The following LRRC56 variants were observed in gnomAD, a reference collection of about 807,000 sequenced individuals.
The protein encoded by LRRC56 is leucine-rich repeat-containing protein 56.
A neutral mutation model predicts 47.8 loss-of-function variants in LRRC56; 41 were observed. The ratio of observed to expected loss-of-function variants is 0.86; its 90% CI spans 0.67 to 1.11. The LOEUF is 1.11. Ranked by LOEUF, LRRC56 falls within the 50% of genes most tolerant of loss-of-function variation. The pLI, the probability that LRRC56 is intolerant of heterozygous loss-of-function variation, is 0.00. For synonymous variants in LRRC56, 387 were observed against 311.2 expected, an observed-to-expected ratio of 1.24 and a Z score of -2.56; for missense variants, 759 against 704.2, an observed-to-expected ratio of 1.08 and a Z score of -0.88.
chr11:527,669 T>C, the LRRC56 span, among the ~76,000 whole-genome samples: 511 of 151,104 alleles, frequency 3.4e-3, 4 homozygotes, highest in African/African-American at 0.012. Context: ...GTAGCTGGGA[T>C]TACAGGCGCC....
chr11:533,294 G>C (rs762890763), upstream of LRRC56: 1 of 1,598,538 alleles, frequency 6.3e-7, no homozygotes, highest in African/African-American at 1.3e-5. Context: ...GGGGCCGCTG[G>C]GTCACATGGG....
rs762680448 is a variant in LRRC56, at chr11:541,488, A to C, written c.178-49A>C. The C allele has an allele frequency of 8.8e-7, 1 of 1,130,970 alleles. No homozygotes were observed. The highest frequency in any genetic ancestry group is 1.6e-5 in the South Asian group (1 of 60,610). 70.1% of individuals were successfully genotyped at this position (1,130,970 alleles called of 1,614,324 possible). ...TGTAGCCAGAAGCAAGGATGGAACT[A>C]AAGTGGGGAGAGCCAGGACCAGCGC... On this transcript the variant is annotated intron_variant, in intron 4 of 13. Coordinates refer to ENST00000270115, the MANE Select transcript of LRRC56 (RefSeq NM_198075.4). The surrounding 1 kb of genome is among the most constrained non-coding windows in gnomAD (Gnocchi z 4.1).
chr11:548,869 C>A (rs1178506694), intron 6 of LRRC56, among the ~76,000 whole-genome samples: 1 of 152,328 alleles, frequency 6.6e-6, no homozygotes, highest in Non-Finnish European at 1.5e-5. Flanking sequence ...AACTGAGAGT[C>A]TGACACCCAG....
intron 5 of LRRC56, among the ~76,000 whole-genome samples, chr11:542,428 T>C (rs534946348): frequency 1.3e-5 from 2 of 151,948 alleles, no homozygotes; most frequent in Admixed American, 6.6e-5. Context: ...TTGGGCAACA[T>C]AGCAAGACCC....
upstream of LRRC56, chr11:537,240 G>A (rs573636912): frequency 6.6e-6 from 1 of 152,344 alleles, no homozygotes; most frequent in Non-Finnish European, 1.5e-5. Flanking sequence ...CGTGCATCGC[G>A]ACGGCCCAGG....
chr11:518,247 T>C, the LRRC56 span, among the ~76,000 whole-genome samples: 7 of 152,128 alleles, frequency 4.6e-5, no homozygotes, highest in African/African-American at 1.7e-4. Flanking sequence ...CAGTGGCCCA[T>C]CTCAGCTCAC....
the LRRC56 span, among the ~76,000 whole-genome samples, chr11:516,005 A>G: frequency 4.6e-5 from 7 of 152,266 alleles, no homozygotes; most frequent in African/African-American, 1.7e-4. Context: ...TTGAGCATGT[A>G]TGTGAGGGTC....
At chr11:535,278 G>A (rs867624650), upstream of LRRC56, 170 of 111,104 alleles carry the variant, frequency 1.5e-3, 1 homozygote, top group African/African-American at 5.8e-3. Flanking sequence ...GGCCCCGCCC[G>A]GCCCCACCCA....
Position 541,396 on chromosome 11 carries a change from A to G in LRRC56, c.178-141A>G, listed in dbSNP as rs1851784463. 4.2e-6 allele frequency: 2 copies of G among 475,130 alleles called. No homozygotes were observed. Among genetic ancestry groups the G allele is most frequent in the Non-Finnish European group, 3.7e-6 (1 of 268,776 alleles). The allele number at this position is 475,130 out of a possible 1,614,324, so 29.4% of individuals were successfully genotyped here. ...CACATCCACTCCCATCCCACCACCC[A>G]GGCCAGGGCCAACATGGCCCAGGCA... On this transcript the variant is annotated intron_variant, in intron 4 of 13. Transcript: ENST00000270115. This position sits in a 1 kb window ranked among gnomAD's most constrained non-coding sequence, Gnocchi z 4.1.
Position 554,757 on chromosome 11 carries a change from G to C in LRRC56, c.*481G>C. The stretch of plus-strand genomic sequence containing the variant: ...GTGCGGTCCAGGCCTCCCGTCTCCG[G>C]GGGATCTGTAGGGTTCCCGCACTGC... On this transcript the variant is annotated 3_prime_UTR_variant, in exon 14 of 14. Coordinates refer to ENST00000270115, the MANE Select transcript of LRRC56 (RefSeq NM_198075.4). 2.0e-6 allele frequency: 1 copy of C among 491,050 alleles called. No individual in the cohort carries two copies. Among genetic ancestry groups the C allele is most frequent in the Non-Finnish European group, 3.6e-6 (1 of 277,974 alleles). The allele number at this position is 491,050 out of a possible 1,614,324, so 30.4% of individuals were successfully genotyped here. A position where few individuals can be genotyped will look rare whatever the true frequency, so the allele number is the denominator to read the frequency against.
upstream of LRRC56, among the ~76,000 whole-genome samples, chr11:536,599 GTC>G (rs1554886146): frequency 6.6e-6 from 1 of 152,046 alleles, no homozygotes; most frequent in Non-Finnish European, 1.5e-5. Flanking sequence ...ATGAAACCCT[GTC>G]TCTACTAAAA....
chr11:534,814 A>G (rs1851358221), upstream of LRRC56, among the ~76,000 whole-genome samples: 1 of 152,070 alleles, frequency 6.6e-6, no homozygotes, highest in African/African-American at 2.4e-5. Flanking sequence ...TCCGACAAGT[A>G]TTTGCTGAGC....
At chr11:532,742 G>T (rs1269551105), upstream of LRRC56, 1 of 1,612,828 alleles carries the variant, frequency 6.2e-7, no homozygotes, top group Non-Finnish European at 8.5e-7. Context: ...CGTGTAGAAG[G>T]CATCCTCCAC....
chr11:531,128 G>A, the LRRC56 span, among the ~76,000 whole-genome samples: 6 of 145,958 alleles, frequency 4.1e-5, no homozygotes, highest in African/African-American at 1.6e-4. Flanking sequence ...GGAGTGTGGC[G>A]TCCCCTGGAC....
the LRRC56 span, among the ~76,000 whole-genome samples, chr11:508,621 G>T: frequency 1.3e-5 from 2 of 150,284 alleles, no homozygotes; most frequent in Non-Finnish European, 3.0e-5. Flanking sequence ...ACAAAAATTA[G>T]CCAGGCATGG....
chr11:525,310 C>A, the LRRC56 span, among the ~76,000 whole-genome samples: 19 of 151,706 alleles, frequency 1.3e-4, no homozygotes, highest in African/African-American at 2.4e-4. Flanking sequence ...GAGGCCAAGG[C>A]GGGCGGATCA....
the LRRC56 span, among the ~76,000 whole-genome samples, chr11:530,624 G>A: frequency 1.5e-5 from 1 of 65,728 alleles, no homozygotes; most frequent in Admixed American, 1.4e-4. Context: ...GGAGTGTGGC[G>A]TCCCCTGGAG....
chr11:554,692 G>A lies in LRRC56; in HGVS notation c.*416G>A. 2.3e-6 allele frequency: 1 copy of A among 432,358 alleles called. No homozygotes were observed. Among genetic ancestry groups the A allele is most frequent in the South Asian group, 3.4e-5 (1 of 29,846 alleles). 26.8% of individuals were successfully genotyped at this position (432,358 alleles called of 1,614,324 possible). On this transcript the variant is annotated 3_prime_UTR_variant, in exon 14 of 14. Coordinates refer to ENST00000270115, the MANE Select transcript of LRRC56 (RefSeq NM_198075.4). ...GGTAAGAGCCACCTCCTAGGCCGCA[G>A]TGGCCCAAGGTCCCAGCTGCTCGCC...
chr11:516,921 C>A, the LRRC56 span, among the ~76,000 whole-genome samples: 10 of 152,356 alleles, frequency 6.6e-5, no homozygotes, highest in African/African-American at 2.4e-4. Context: ...GTGGTCTCGG[C>A]TTGCTGCAGC....
Sources: allele counts gnomAD v4.1 joint callset (sites outside exome capture counted in the v4.1 genomes callset), GRCh38; gene constraint gnomAD v4.1.1; non-coding constraint Gnocchi (gnomAD v3.1); transcripts MANE v1.5; gene names NCBI Gene and HGNC (gene_info 2026-07-23, HGNC 2026-07-21).